FBXW7: variants seen among roughly 807,000 people sequenced by gnomAD.
FBXW7 encodes the protein F-box and WD repeat domain containing 7.
FBXW7 carries 11 observed loss-of-function variants against 86.3 expected under a neutral mutation model. That is an observed-to-expected ratio of 0.13 (90% CI 0.08 to 0.21). The LOEUF (loss-of-function observed/expected upper bound fraction) is 0.21. Among genes scored for constraint, FBXW7 ranks in the 10% least tolerant of loss-of-function variants. The pLI is 1.00. For synonymous variants in FBXW7, 313 were observed against 297.9 expected, an observed-to-expected ratio of 1.05 and a Z score of -0.52; for missense variants, 488 against 847.4, an observed-to-expected ratio of 0.58 and a Z score of 5.27.
chr4:152,350,015 T>G, intron 5 of FBXW7, 27 bp downstream of exon 5: 748 of 1,248,466 alleles, frequency 6.0e-4, no homozygotes, highest in Non-Finnish European at 7.6e-4. Context: ...CTGAGAATCA[T>G]GAGATAATCA....
intron 4 of FBXW7, among the ~76,000 whole-genome samples, chr4:152,358,325 C>T (rs986686556): frequency 1.3e-5 from 2 of 152,130 alleles, no homozygotes; most frequent in East Asian, 3.8e-4. Context: ...GCTTTCTTTA[C>T]ACAAATCCAT....
intron 2 of FBXW7, among the ~76,000 whole-genome samples, chr4:152,519,454 T>C (rs1352128311): frequency 1.3e-5 from 2 of 149,524 alleles, no homozygotes; most frequent in African/African-American, 2.5e-5. Flanking sequence ...TTGAGGCTCA[T>C]CCTGAAATAA....
At chr4:152,414,563 A>G (rs1261597989) in intron 2 of FBXW7, among the ~76,000 whole-genome samples, 1 of 152,322 alleles carries the variant, frequency 6.6e-6, no homozygotes, top group East Asian at 1.9e-4. Context: ...ATAAATGATC[A>G]GAGAAATTAA....
At chr4:152,467,721 A>C (rs1302898232) in intron 2 of FBXW7, among the ~76,000 whole-genome samples, 1 of 152,206 alleles carries the variant, frequency 6.6e-6, no homozygotes. Context: ...ATGACGATTA[A>C]AACTTTGTCA....
chr4:152,402,601 A>C (rs946426439), intron 4 of FBXW7, among the ~76,000 whole-genome samples: 2 of 152,164 alleles, frequency 1.3e-5, no homozygotes, highest in African/African-American at 4.8e-5. Flanking sequence ...CAACTCCACT[A>C]TTTACCAGCT....
At chr4:152,508,736 A>C (rs1290092462) in intron 2 of FBXW7, among the ~76,000 whole-genome samples, 1 of 152,072 alleles carries the variant, frequency 6.6e-6, no homozygotes, top group African/African-American at 2.4e-5. Flanking sequence ...CCTGGTCCCA[A>C]AGTACTTATT....
chr4:152,402,273 T>C (rs1365893685), intron 4 of FBXW7, among the ~76,000 whole-genome samples: 2 of 152,334 alleles, frequency 1.3e-5, no homozygotes, highest in South Asian at 4.1e-4. Flanking sequence ...ACACTAATTC[T>C]TTGTTGACTA....
intron 2 of FBXW7, among the ~76,000 whole-genome samples, chr4:152,434,557 T>C (rs1740204720): frequency 6.6e-6 from 1 of 152,198 alleles, no homozygotes; most frequent in Admixed American, 6.5e-5. Context: ...AACTTTCTCC[T>C]GAATGTTCCA....
At chr4:152,457,643 CAAAAA>C (rs769232533) in intron 2 of FBXW7, among the ~76,000 whole-genome samples, 1 of 57,464 alleles carries the variant, frequency 1.7e-5, no homozygotes. Context: ...GACTCTGTCT[CAAAAA>C]AAAAAAAAAA....
At chr4:152,521,694 G>A (rs1039676330) in intron 2 of FBXW7, among the ~76,000 whole-genome samples, 5 of 151,926 alleles carry the variant, frequency 3.3e-5, no homozygotes, top group Non-Finnish European at 7.4e-5. Flanking sequence ...TGGACTAGAA[G>A]GGATCCCAAA....
At chr4:152,427,391 T>TA (rs760462020) in intron 2 of FBXW7, among the ~76,000 whole-genome samples, 36 of 152,206 alleles carry the variant, frequency 2.4e-4, no homozygotes, top group Non-Finnish European at 4.3e-4. Flanking sequence ...TGTATTAACT[T>TA]AGTTAATACT....
intron 11 of FBXW7, among the ~76,000 whole-genome samples, chr4:152,327,328 CT>C (rs2126506243): frequency 6.6e-6 from 1 of 152,064 alleles, no homozygotes; most frequent in East Asian, 1.9e-4. Flanking sequence ...GTGAAATCTG[CT>C]TAATGTAATT....
chr4:152,337,058 T>G lies in FBXW7; in HGVS notation c.861+744A>C, dbSNP rs1730205731. ...TTAATGTTATATTATTTCTGTTCAC[T>G]GACAAAATTACTAGGTCTATAATAT... is the stretch of plus-strand genomic sequence containing the variant. On this transcript the variant is annotated intron_variant, in intron 7 of 13. Transcript: ENST00000281708. 5.9e-5 allele frequency among the ~76,000 whole-genome samples: 9 copies of G among 152,018 alleles called. No individual in the cohort carries two copies. In the South Asian group the frequency reaches 1.9e-3, roughly 31 times the overall value.
intron 2 of FBXW7, among the ~76,000 whole-genome samples, chr4:152,475,149 GATA>G (rs1466212318): frequency 1.3e-5 from 2 of 150,288 alleles, no homozygotes; most frequent in African/African-American, 2.4e-5. Flanking sequence ...TAATAATAAT[GATA>G]ATAAGAGGCC....
Position 152,326,166 on chromosome 4 carries a change from T to C in FBXW7, c.1484A>G (p.His495Arg), listed in dbSNP as rs750717620. Residue 495 changes from histidine to arginine, a missense_variant, in exon 12 of 14, where the codon CAT becomes CGT. Coordinates refer to ENST00000281708, the MANE Select transcript of FBXW7 (RefSeq NM_001349798.2). ...VWDIETGQCLHVLMGHVAAVR... is the reference protein window; with the variant it reads ...VWDIETGQCLRVLMGHVAAVR... ...TGCTGCAACATGACCCATCAAAACATGTAAACACTGGCCTGTCTCAATATC... is the reference window on the plus strand; with the variant it reads ...TGCTGCAACATGACCCATCAAAACACGTAAACACTGGCCTGTCTCAATATC... 5 of 1,613,152 alleles carry C rather than the reference T, an allele frequency of 3.1e-6. No homozygotes were observed. Among genetic ancestry groups the C allele is most frequent in the African/African-American group, 2.7e-5 (2 of 74,794 alleles).
intron 2 of FBXW7, among the ~76,000 whole-genome samples, chr4:152,496,417 C>T (rs928603765): frequency 3.6e-4 from 54 of 151,922 alleles, no homozygotes; most frequent in African/African-American, 1.3e-3. Flanking sequence ...CTGGGCCAGG[C>T]GCAGTGGCTC....
intron 2 of FBXW7, among the ~76,000 whole-genome samples, chr4:152,461,496 A>T (rs573561576): frequency 6.6e-6 from 1 of 152,310 alleles, no homozygotes; most frequent in East Asian, 1.9e-4. Context: ...ATGCAGAAAC[A>T]TGGAAACAGA....
rs1002037504 is a variant in FBXW7 at position 152,322,822 on chromosome 4, G to T, written c.*59C>A. 6.4e-7 allele frequency: 1 copy of T among 1,567,424 alleles called. No individual in the cohort carries two copies. Among genetic ancestry groups the T allele is most frequent in the Admixed American group, 2.0e-5 (1 of 50,984 alleles). ...TTTCTTTTCTTTTTTTCTTTTTGCA[G>T]GGGGAAGGGCAGGGAGTATATCGTC... On this transcript the variant is annotated 3_prime_UTR_variant, in exon 14 of 14. Coordinates refer to ENST00000281708, the MANE Select transcript of FBXW7 (RefSeq NM_001349798.2).
chr4:152,528,965 T>C (rs760739691), intron 2 of FBXW7, among the ~76,000 whole-genome samples: 2 of 152,066 alleles, frequency 1.3e-5, no homozygotes, highest in Non-Finnish European at 2.9e-5. Flanking sequence ...TGTGTACATT[T>C]TCCCCCATTA....
Sources: gnomAD v4.1 joint callset for allele counts (sites outside exome capture counted in the v4.1 genomes callset) on GRCh38, gnomAD v4.1.1 for gene constraint, MANE v1.5 for transcripts, NCBI Gene and HGNC (gene_info 2026-07-23, HGNC 2026-07-21) for gene names.